SDK1: variants seen among roughly 807,000 people sequenced by gnomAD.
SDK1 encodes sidekick cell adhesion molecule 1.
Under a neutral mutation model 245.5 loss-of-function variants are expected in SDK1, and 157 were observed. The observed-to-expected ratio is 0.64, with a 90% CI of 0.56 to 0.73. The LOEUF is 0.73. Ranked by LOEUF, SDK1 falls within the 30% of genes least tolerant of loss-of-function variation. SDK1 has a pLI of 0.00. For missense variants in SDK1, 3,583 were observed against 3,002.3 expected, an observed-to-expected ratio of 1.19 and a Z score of -4.52; for synonymous variants, 1,647 against 1,278.5, an observed-to-expected ratio of 1.29 and a Z score of -6.15.
chr7:3,506,471 T>C (rs899812810), intron 1 of SDK1, among the ~76,000 whole-genome samples: 1 of 152,202 alleles, frequency 6.6e-6, no homozygotes, highest in African/African-American at 2.4e-5. Context: ...ATATATGGTT[T>C]CATGCTTTCA....
At chr7:3,600,615 C>T (rs34008696) in intron 1 of SDK1, among the ~76,000 whole-genome samples, 28,528 of 141,066 alleles carry the variant, frequency 0.2, 3,165 homozygotes, top group South Asian at 0.29. Context: ...AGTGCAGCGG[C>T]GCAATCTTGG....
intron 1 of SDK1, among the ~76,000 whole-genome samples, chr7:3,355,043 TGTG>T (rs1265274577): frequency 6.6e-5 from 10 of 152,324 alleles, no homozygotes; most frequent in South Asian, 4.1e-4. Context: ...CTGATTAAAT[TGTG>T]GTGGGAAATA....
At chr7:3,670,091 C>G (rs773310029) in intron 4 of SDK1, among the ~76,000 whole-genome samples, 65 of 152,306 alleles carry the variant, frequency 4.3e-4, no homozygotes, top group Middle Eastern at 6.8e-3. Context: ...CATTCCTGAC[C>G]AAACTCTTGC....
At chr7:3,762,100 T>G (rs548239441) in intron 4 of SDK1, among the ~76,000 whole-genome samples, 1 of 152,358 alleles carries the variant, frequency 6.6e-6, no homozygotes, top group South Asian at 2.1e-4. Flanking sequence ...TTACACTGAA[T>G]GATTCAGGAA....
intron 4 of SDK1, among the ~76,000 whole-genome samples, chr7:3,804,877 G>A (rs991014021): frequency 2.0e-5 from 3 of 152,148 alleles, no homozygotes; most frequent in Non-Finnish European, 4.4e-5. Flanking sequence ...AAATACAATT[G>A]GGGGTGGAAG....
intron 5 of SDK1, among the ~76,000 whole-genome samples, chr7:3,891,622 G>C (rs1781462055): frequency 6.6e-6 from 1 of 152,060 alleles, no homozygotes; most frequent in South Asian, 2.1e-4. Flanking sequence ...TCAATTCCAA[G>C]TACACTGAGC....
At chr7:3,952,583 C>CA (rs112521963) in intron 7 of SDK1, among the ~76,000 whole-genome samples, 13 of 147,068 alleles carry the variant, frequency 8.8e-5, no homozygotes, top group Non-Finnish European at 1.1e-4. Context: ...AACTCCAACT[C>CA]AAAAAAAAAA....
chr7:3,612,619 C>T (rs1459819203), intron 1 of SDK1, among the ~76,000 whole-genome samples: 8 of 152,150 alleles, frequency 5.3e-5, no homozygotes, highest in Admixed American at 4.6e-4. Flanking sequence ...ACTTTTCGCT[C>T]ATGGTAAATT....
At chr7:3,465,005 G>T (rs1462170357) in intron 1 of SDK1, among the ~76,000 whole-genome samples, 3 of 152,116 alleles carry the variant, frequency 2.0e-5, no homozygotes, top group African/African-American at 7.2e-5. Context: ...TTGCTAACCA[G>T]AGGAACCACA....
intron 22 of SDK1, among the ~76,000 whole-genome samples, chr7:4,083,515 CA>C (rs1340182452): frequency 8.3e-6 from 1 of 120,108 alleles, no homozygotes; most frequent in African/African-American, 3.4e-5. Context: ...TGGTAGATTC[CA>C]TTTCCACTCC....
At chr7:4,098,875 G>T (rs1782347012) in intron 22 of SDK1, among the ~76,000 whole-genome samples, 2 of 123,494 alleles carry the variant, frequency 1.6e-5, no homozygotes, top group Non-Finnish European at 3.2e-5. Flanking sequence ...GTCTCCCTAT[G>T]TGGCCCTGGC....
At chr7:3,482,617 C>A (rs967296456) in intron 1 of SDK1, among the ~76,000 whole-genome samples, 1 of 152,198 alleles carries the variant, frequency 6.6e-6, no homozygotes, top group East Asian at 1.9e-4. Flanking sequence ...TCCCACAGGT[C>A]TTCCCTGCAC....
At chr7:3,607,156 T>G (rs997603661) in intron 1 of SDK1, among the ~76,000 whole-genome samples, 1 of 152,184 alleles carries the variant, frequency 6.6e-6, no homozygotes, top group South Asian at 2.1e-4. Context: ...AGGCCCTTTT[T>G]TTTTTTAGTT....
At chr7:3,477,247 G>A (rs780429217) in intron 1 of SDK1, among the ~76,000 whole-genome samples, 6 of 136,364 alleles carry the variant, frequency 4.4e-5, no homozygotes, top group Non-Finnish European at 6.1e-5. Flanking sequence ...TCAGGCTGGA[G>A]TGCAGCGGCG....
chr7:3,314,136 A>G (rs568572988), intron 1 of SDK1, among the ~76,000 whole-genome samples: 6 of 152,294 alleles, frequency 3.9e-5, no homozygotes, highest in African/African-American at 1.4e-4. Flanking sequence ...CATCTGGTAG[A>G]TAAGTGTTAA....
intron 14 of SDK1, among the ~76,000 whole-genome samples, chr7:3,989,802 G>C (rs191627488): frequency 6.6e-6 from 1 of 152,116 alleles, no homozygotes; most frequent in Non-Finnish European, 1.5e-5. Context: ...CTACACCCTC[G>C]CCCTTCCCTG....
At chr7:4,015,273 T>C (rs1280546916) in intron 16 of SDK1, among the ~76,000 whole-genome samples, 1 of 152,200 alleles carries the variant, frequency 6.6e-6, no homozygotes, top group Non-Finnish European at 1.5e-5. Context: ...TGCTGGTTCC[T>C]CAGCTCTTCC....
At chr7:3,951,166 A>T (rs1780802916) in intron 6 of SDK1, 132 bp downstream of exon 6, 1 of 681,858 alleles carries the variant, frequency 1.5e-6, no homozygotes, top group Admixed American at 2.3e-5. Flanking sequence ...CGGGTGGGCC[A>T]TGAATACGAG....
rs539212167 is a variant in SDK1 at position 3,717,412 on chromosome 7, C to G, written c.713+75307C>G. On this transcript the variant is annotated intron_variant, in intron 4 of 44. Coordinates refer to ENST00000404826, the MANE Select transcript of SDK1 (RefSeq NM_152744.4). ...GAATGAAAAATCAAAATGCAAAACA[C>G]CATAATTTGGCAGATGCAACTAAGG... Among the ~76,000 whole-genome samples, 4 of 152,106 alleles carry G rather than the reference C, an allele frequency of 2.6e-5. No homozygotes were observed. The South Asian group carries it at 6.2e-4, about 24-fold the overall frequency.
Sources: gnomAD v4.1 joint callset for allele counts (sites outside exome capture counted in the v4.1 genomes callset) on GRCh38, gnomAD v4.1.1 for gene constraint, MANE v1.5 for transcripts, NCBI Gene and HGNC (gene_info 2026-07-23, HGNC 2026-07-21) for gene names.